Variants in SPOPL observed in about 807,000 individuals in gnomAD.
The protein encoded by SPOPL is speckle-type POZ protein-like.
In SPOPL, 23 loss-of-function variants were observed where a neutral mutation model predicts 53.8. The observed-to-expected ratio is 0.43, with a 90% confidence interval of 0.31 to 0.61. The LOEUF (loss-of-function observed/expected upper bound fraction) is 0.61, where lower values mean the gene tolerates loss of function less well. Among genes scored for constraint, SPOPL ranks in the 20% least tolerant of loss-of-function variants. The pLI, the probability that SPOPL is intolerant of heterozygous loss-of-function variation, is 0.12. For missense variants in SPOPL, 442 were observed against 466.9 expected, an observed-to-expected ratio of 0.95 and a Z score of 0.49; for synonymous variants, 164 against 149.7, an observed-to-expected ratio of 1.10 and a Z score of -0.70.
At position 138,551,081 on chromosome 2, in the gene SPOPL, A is replaced by T. The variant is rs941434160; in HGVS notation, c.352+27A>T. 4 of 1,610,422 alleles carry T rather than the reference A, an allele frequency of 2.5e-6. No homozygotes were observed. In the African/African-American group the frequency reaches 5.4e-5, roughly 22 times the overall value. ...TAAGTGATTTGCAAACTAAGTGAAG[A>T]CATTTCTGTATAACTACATATTATG... On this transcript the variant is annotated intron_variant, in intron 4 of 10. Coordinates refer to ENST00000280098, the MANE Select transcript of SPOPL (RefSeq NM_001001664.3).
intron 1 of SPOPL, among the ~76,000 whole-genome samples, chr2:138,511,473 A>C (rs1281192734): frequency 6.6e-6 from 1 of 152,192 alleles, no homozygotes; most frequent in Non-Finnish European, 1.5e-5. Flanking sequence ...TTTGTAAAGC[A>C]CTTGTGTCAG....
chr2:138,537,633 G>A (rs767050642), intron 1 of SPOPL, among the ~76,000 whole-genome samples: 25 of 152,304 alleles, frequency 1.6e-4, no homozygotes, highest in Admixed American at 7.2e-4. Flanking sequence ...GATGAGAAAT[G>A]TTGACATCCT....
intron 5 of SPOPL, 96 bp downstream of exon 5, chr2:138,552,777 G>A (rs1407230787): frequency 6.1e-5 from 82 of 1,348,878 alleles, no homozygotes; most frequent in Non-Finnish European, 7.9e-5. Context: ...TAAGTAATTG[G>A]TATAGTTGAT....
intron 1 of SPOPL, among the ~76,000 whole-genome samples, chr2:138,535,365 G>C (rs1424730441): frequency 1.3e-5 from 2 of 152,084 alleles, no homozygotes; most frequent in Non-Finnish European, 2.9e-5. Context: ...TATATACCTA[G>C]GAGTAGAATA....
At chr2:138,551,355 A>G (rs1379845178) in intron 4 of SPOPL, among the ~76,000 whole-genome samples, 3 of 152,066 alleles carry the variant, frequency 2.0e-5, no homozygotes, top group Non-Finnish European at 4.4e-5. Flanking sequence ...AGTGCTTGGC[A>G]TATATAATAC....
At chr2:138,514,803 A>G (rs1354668052) in intron 1 of SPOPL, among the ~76,000 whole-genome samples, 1 of 152,184 alleles carries the variant, frequency 6.6e-6, no homozygotes. Context: ...TGTTGTACCA[A>G]TGTATAACCT....
chr2:138,545,440 G>GTT (rs555132269), intron 1 of SPOPL, among the ~76,000 whole-genome samples: 2 of 145,078 alleles, frequency 1.4e-5, no homozygotes, highest in African/African-American at 5.0e-5. Context: ...TTTTGTTTTT[G>GTT]TTTTTTTTTT....
intron 5 of SPOPL, among the ~76,000 whole-genome samples, chr2:138,554,817 T>C (rs1685387175): frequency 6.6e-6 from 1 of 151,802 alleles, no homozygotes. Flanking sequence ...AGATAAAATA[T>C]ATATAAACAA....
intron 1 of SPOPL, among the ~76,000 whole-genome samples, chr2:138,532,935 C>T (rs1162869106): frequency 6.6e-6 from 1 of 152,082 alleles, no homozygotes; most frequent in Non-Finnish European, 1.5e-5. Flanking sequence ...ACTCCATTAT[C>T]CCCAGAAGCA....
At chr2:138,540,661 C>G (rs1685050414) in intron 1 of SPOPL, among the ~76,000 whole-genome samples, 1 of 152,212 alleles carries the variant, frequency 6.6e-6, no homozygotes, top group Non-Finnish European at 1.5e-5. Flanking sequence ...ATGGGGTTTT[C>G]TAGATATACA....
chr2:138,545,371 C>G (rs1185407587), intron 1 of SPOPL, among the ~76,000 whole-genome samples: 7 of 152,058 alleles, frequency 4.6e-5, no homozygotes, highest in Admixed American at 2.0e-4. Flanking sequence ...ATGCCACAGC[C>G]CTTTCTCACT....
chr2:138,502,427 T>A (rs116481605), intron 1 of SPOPL, among the ~76,000 whole-genome samples: 1,656 of 152,304 alleles, frequency 0.011, 33 homozygotes, highest in African/African-American at 0.038. Context: ...CGCCCCTTCT[T>A]TTCCTCTGGC....
intron 8 of SPOPL, among the ~76,000 whole-genome samples, chr2:138,563,531 C>G (rs961718419): frequency 6.6e-6 from 1 of 152,132 alleles, no homozygotes; most frequent in Non-Finnish European, 1.5e-5. Flanking sequence ...AATGTAAATT[C>G]AAGCCATCAT....
At position 138,569,610 on chromosome 2, in the gene SPOPL, A is replaced by G. The variant is rs1210598724; in HGVS notation, c.*530A>G. On this transcript the variant is annotated 3_prime_UTR_variant, in exon 11 of 11. Transcript: ENST00000280098. ...CCTTCAAGGTAAGTTATGGCAATAC[A>G]CTGCTTCAATTCTAATTTATTTTTC... The G allele has an allele frequency of 6.6e-6, 1 of 151,972 alleles. No individual in the cohort carries two copies. Among genetic ancestry groups the G allele is most frequent in the East Asian group, 1.9e-4 (1 of 5,194 alleles). 9.4% of individuals were successfully genotyped at this position (151,972 alleles called of 1,614,324 possible).
intron 7 of SPOPL, 54 bp from the exon 8 acceptor site, chr2:138,560,751 A>G: frequency 1.3e-6 from 2 of 1,542,226 alleles, no homozygotes; most frequent in Non-Finnish European, 1.7e-6. Context: ...ACTTTGGTTC[A>G]TTTGTGTGTA....
At chr2:138,532,889 T>C (rs1310120085) in intron 1 of SPOPL, among the ~76,000 whole-genome samples, 3 of 152,192 alleles carry the variant, frequency 2.0e-5, no homozygotes, top group Admixed American at 2.0e-4. Flanking sequence ...TTCAAGTTTT[T>C]CTATTTCTCA....
intron 1 of SPOPL, among the ~76,000 whole-genome samples, chr2:138,506,063 A>C (rs1471756491): frequency 6.6e-6 from 1 of 152,148 alleles, no homozygotes; most frequent in African/African-American, 2.4e-5. Context: ...TAATCCTAAG[A>C]GCAATAGGAA....
In SPOPL at chr2:138,570,645, A is replaced by G. The variant is rs577988256; in HGVS notation, c.*1565A>G. On this transcript the variant is annotated 3_prime_UTR_variant, in exon 11 of 11. Coordinates refer to ENST00000280098, the MANE Select transcript of SPOPL (RefSeq NM_001001664.3). ...AACGCATATACCTATGTTTGCAAACATAACTATTCTTCAGATTAAAATTTG... is the reference window on the plus strand; with the variant it reads ...AACGCATATACCTATGTTTGCAAACGTAACTATTCTTCAGATTAAAATTTG... 1.2e-4 allele frequency: 19 copies of G among 152,324 alleles called. No homozygotes were observed. Among genetic ancestry groups the G allele is most frequent in the African/African-American group, 4.3e-4 (18 of 41,572 alleles). 9.4% of individuals were successfully genotyped at this position (152,324 alleles called of 1,614,324 possible). A position where few individuals can be genotyped will look rare whatever the true frequency, so the allele number is the denominator to read the frequency against.
intron 1 of SPOPL, among the ~76,000 whole-genome samples, chr2:138,509,151 T>C (rs988110787): frequency 3.9e-5 from 6 of 152,136 alleles, no homozygotes; most frequent in Non-Finnish European, 7.4e-5. Context: ...AGGAGATACG[T>C]ATATGTATAT....
Sources: gnomAD v4.1 joint callset for allele counts (sites outside exome capture counted in the v4.1 genomes callset) on GRCh38, gnomAD v4.1.1 for gene constraint, MANE v1.5 for transcripts, NCBI Gene and HGNC (gene_info 2026-07-23, HGNC 2026-07-21) for gene names.